Variants in MALRD1 observed in about 807,000 individuals in gnomAD.
MALRD1 encodes the protein MAM and LDL-receptor class A domain-containing protein 1.
A neutral mutation model predicts 242.1 loss-of-function variants in MALRD1; 247 were observed. The ratio of observed to expected loss-of-function variants is 1.02; its 90% confidence interval spans 0.92 to 1.13. MALRD1 has a LOEUF of 1.13. Among genes scored for constraint, MALRD1 ranks in the 50% most tolerant of loss-of-function variants. The probability of loss-of-function intolerance (pLI) is 0.00; values close to 1 mark genes in which losing one functional copy is unlikely to be tolerated. For synonymous variants in MALRD1, 995 were observed against 866.6 expected (o/e 1.15, Z -2.60); for missense variants, 2,989 against 2,533.1 (o/e 1.18, Z -3.86).
At chr10:19,096,883 ACT>A (rs1336996152) in intron 4 of MALRD1, among the ~76,000 whole-genome samples, 1 of 152,048 alleles carries the variant, frequency 6.6e-6, no homozygotes, top group Non-Finnish European at 1.5e-5. Flanking sequence ...TCTGCAGCTG[ACT>A]CTCACCTGGG....
At chr10:19,647,186 T>C (rs767387427) in intron 36 of MALRD1, among the ~76,000 whole-genome samples, 3 of 152,216 alleles carry the variant, frequency 2.0e-5, no homozygotes, top group Non-Finnish European at 4.4e-5. Flanking sequence ...TGCCCTGTTT[T>C]ATCTGGAAAA....
intron 28 of MALRD1, among the ~76,000 whole-genome samples, chr10:19,400,909 G>A (rs138028583): frequency 4.0e-4 from 61 of 152,128 alleles, no homozygotes; most frequent in African/African-American, 1.0e-3. Context: ...CTAATTACTC[G>A]GGAGGCTGAG....
At chr10:19,053,602 T>A (rs1289444283) in intron 1 of MALRD1, among the ~76,000 whole-genome samples, 1 of 152,118 alleles carries the variant, frequency 6.6e-6, no homozygotes, top group Non-Finnish European at 1.5e-5. Flanking sequence ...GTTTTTTTTG[T>A]TTTTTTAGTA....
chr10:19,560,136 G>T (rs1278592077), intron 32 of MALRD1, among the ~76,000 whole-genome samples: 1 of 152,110 alleles, frequency 6.6e-6, no homozygotes, highest in Non-Finnish European at 1.5e-5. Flanking sequence ...TCCCATTACT[G>T]GGTATATACC....
chr10:19,350,521 C>A (rs2130992345), intron 25 of MALRD1, among the ~76,000 whole-genome samples: 1 of 152,108 alleles, frequency 6.6e-6, no homozygotes, highest in Middle Eastern at 3.4e-3. Flanking sequence ...AGGTGATCCA[C>A]CTACCTTGGC....
chr10:19,459,453 A>G (rs7099401), intron 29 of MALRD1, among the ~76,000 whole-genome samples: 123,953 of 152,072 alleles, frequency 0.82, 50,717 homozygotes, highest in East Asian at 1. Flanking sequence ...CATTGCCATG[A>G]TCAACTAACT....
At chr10:19,650,125 G>T (rs933681674) in intron 36 of MALRD1, among the ~76,000 whole-genome samples, 1 of 152,150 alleles carries the variant, frequency 6.6e-6, no homozygotes, top group Non-Finnish European at 1.5e-5. Flanking sequence ...GAACTGAAAA[G>T]TCAATAATTG....
intron 18 of MALRD1, among the ~76,000 whole-genome samples, chr10:19,252,663 A>G (rs1227260208): frequency 6.6e-6 from 1 of 152,000 alleles, no homozygotes; most frequent in Non-Finnish European, 1.5e-5. Context: ...CAATGTTATT[A>G]TTATCCATTC....
intron 36 of MALRD1, among the ~76,000 whole-genome samples, chr10:19,617,632 T>TAGA (rs1456914201): frequency 6.6e-6 from 1 of 151,996 alleles, no homozygotes; most frequent in Non-Finnish European, 1.5e-5. Flanking sequence ...AGGCAAAAAG[T>TAGA]AGAACTCTTG....
intron 31 of MALRD1, among the ~76,000 whole-genome samples, chr10:19,510,372 G>T (rs544122069): frequency 2.8e-4 from 43 of 152,302 alleles, no homozygotes; most frequent in African/African-American, 1.0e-3. Flanking sequence ...GGATGGTCAG[G>T]TCTTTCCCTT....
intron 38 of MALRD1, among the ~76,000 whole-genome samples, chr10:19,703,583 T>A (rs1478241443): frequency 6.6e-6 from 1 of 152,152 alleles, no homozygotes; most frequent in African/African-American, 2.4e-5. Context: ...CAAATCTATA[T>A]CTGTAAATCA....
intron 18 of MALRD1, among the ~76,000 whole-genome samples, chr10:19,231,246 G>A (rs2131696421): frequency 6.6e-6 from 1 of 152,278 alleles, no homozygotes; most frequent in East Asian, 1.9e-4. Flanking sequence ...GAGATTAGCT[G>A]AGGTATTTGT....
chr10:19,567,674 T>A lies in MALRD1; in HGVS notation c.5651T>A (p.Ile1884Asn). The change falls in exon 33 of 40, where the codon ATC (isoleucine) becomes AAC (asparagine). Residue 1884 changes from isoleucine to asparagine, a missense_variant. By Grantham distance (149) the Ile-to-Asn change is moderately radical. Coordinates refer to ENST00000454679, the MANE Select transcript of MALRD1 (RefSeq NM_001142308.3). ...GACATCTTTATTGCTCTTGATGACATCTCTTTTACCCCAGAGTGTGTGACT... is the reference window on the plus strand; with the variant it reads ...GACATCTTTATTGCTCTTGATGACAACTCTTTTACCCCAGAGTGTGTGACT... The part of the protein sequence containing the change: ...NEDIFIALDD[I>N]SFTPECVTGG... 2.6e-6 allele frequency: 4 copies of A among 1,550,584 alleles called. No individual in the cohort carries two copies. Among genetic ancestry groups the A allele is most frequent in the Non-Finnish European group, 3.5e-6 (4 of 1,146,876 alleles).
chr10:19,512,180 GGT>G (rs1341058412), intron 31 of MALRD1, among the ~76,000 whole-genome samples: 16 of 152,206 alleles, frequency 1.1e-4, no homozygotes, highest in African/African-American at 3.9e-4. Context: ...TGAAAAATGT[GGT>G]TATCATCAGT....
At chr10:19,574,801 A>G (rs1290147154) in intron 33 of MALRD1, among the ~76,000 whole-genome samples, 1 of 152,204 alleles carries the variant, frequency 6.6e-6, no homozygotes, top group Non-Finnish European at 1.5e-5. Context: ...ACAGGGCATG[A>G]CATGGGAGAG....
intron 19 of MALRD1, among the ~76,000 whole-genome samples, chr10:19,264,426 G>C (rs1308516846): frequency 3.3e-5 from 5 of 151,194 alleles, no homozygotes; most frequent in African/African-American, 1.2e-4. Flanking sequence ...CTTGGAATCA[G>C]GCTGAATTTT....
chr10:19,502,023 AAAG>A lies in MALRD1; in HGVS notation c.5320+3380_5320+3382del, dbSNP rs1324573209. ...GCAAGATTCTGTCTCAAAAAAAAAA[AAAG>A]AAAAGAAAAGAAAAGAAAAGAAAAG... On this transcript the variant is annotated intron_variant, in intron 31 of 39. Transcript: ENST00000454679. Among the ~76,000 whole-genome samples, 497 of 113,370 alleles carry A rather than the reference AAAG, an allele frequency of 4.4e-3. 28 individuals are homozygous for A. Among genetic ancestry groups the A allele is most frequent in the African/African-American group, 0.021 (467 of 22,038 alleles). The allele number at this position is 113,370 out of a possible 152,430, so 74.4% of individuals were successfully genotyped here.
At chr10:19,165,858 A>G in intron 13 of MALRD1, 48 bp downstream of exon 13, 1 of 1,205,800 alleles carries the variant, frequency 8.3e-7, no homozygotes, top group Non-Finnish European at 1.0e-6. Context: ...CACTTATTTA[A>G]TGCTAAACCT....
At chr10:19,151,934 G>T (rs933330507) in intron 11 of MALRD1, among the ~76,000 whole-genome samples, 5 of 152,048 alleles carry the variant, frequency 3.3e-5, no homozygotes, top group East Asian at 1.9e-4. Flanking sequence ...TTTTGCATTT[G>T]TGAAAGTTAT....
Sources: allele counts gnomAD v4.1 joint callset (sites outside exome capture counted in the v4.1 genomes callset), GRCh38; gene constraint gnomAD v4.1.1; transcripts MANE v1.5; gene names NCBI Gene and HGNC (gene_info 2026-07-23, HGNC 2026-07-21).